Variants in EP400 observed in about 807,000 individuals in gnomAD.
The protein encoded by EP400 is E1A binding protein p400, also known as E1A-binding protein p400.
Under a neutral mutation model 354.1 loss-of-function variants are expected in EP400, and 105 were observed. That is an observed-to-expected ratio of 0.30 (90% CI 0.25 to 0.35). EP400 has a LOEUF of 0.35. Among genes scored for constraint, EP400 ranks in the 10% least tolerant of loss-of-function variants. The pLI is 1.00. For synonymous variants in EP400, 1,646 were observed against 1,716.9 expected (o/e 0.96, Z 1.02); for missense variants, 3,280 against 4,121.0 (o/e 0.80, Z 5.59).
chr12:132,021,363 C>T lies in EP400; in HGVS notation c.4690+42C>T, dbSNP rs945304984. Reference sequence around the variant, plus strand: ...TTCCAGGTTTCTGCCATCTCTCTACCCCAGAGGAGTTGTGTTAAGAACACG... The same window carrying T: ...TTCCAGGTTTCTGCCATCTCTCTACTCCAGAGGAGTTGTGTTAAGAACACG... On this transcript the variant is annotated intron_variant, in intron 23 of 52. Coordinates refer to ENST00000389561, the MANE Select transcript of EP400 (RefSeq NM_015409.5). 2.0e-6 allele frequency: 3 copies of T among 1,469,382 alleles called. No individual in the cohort carries two copies. The African/African-American group carries it at 4.3e-5, about 21-fold the overall frequency. 91.0% of individuals were successfully genotyped at this position (1,469,382 alleles called of 1,614,324 possible).
Position 132,028,199 on chromosome 12 carries a change from GCA to G in EP400, c.5295_5296del (p.His1765GlnfsTer11). On this transcript the variant is annotated frameshift_variant, in exon 27 of 53. Coordinates refer to ENST00000389561, the MANE Select transcript of EP400 (RefSeq NM_015409.5). LOFTEE classifies it high-confidence loss of function. ...GTCGTGGGAAGGAGGCCGGGCCAGC[GCA>G]CAGTTACACTTCATCCTCAGAAAGT... is the stretch of plus-strand genomic sequence containing the variant. The part of the protein sequence containing the change: ...GRRGKEAGPA[H>X]SYTSSSESPS... 1 of 1,614,162 alleles carries G rather than the reference GCA, an allele frequency of 6.2e-7. No homozygotes were observed. Among genetic ancestry groups the G allele is most frequent in the Non-Finnish European group, 8.5e-7 (1 of 1,180,036 alleles).
chr12:131,995,013 T>C (rs371084816), intron 12 of EP400, 57 bp downstream of exon 12: 2 of 1,482,282 alleles, frequency 1.3e-6, no homozygotes, highest in African/African-American at 1.4e-5. Context: ...ATTTAAAACA[T>C]GTGAGATGTG....
chr12:131,961,743 A>G lies in EP400; in HGVS notation c.1124A>G (p.Glu375Gly). The change falls in exon 2 of 53, where the codon GAG (glutamate) becomes GGG (glycine). Residue 375 changes from glutamate (E) to glycine (G), a missense_variant. Coordinates refer to ENST00000389561, the MANE Select transcript of EP400 (RefSeq NM_015409.5). ...RKQCLDYHYQ[E>G]MQALKEVFKE... ...CAGTGCCTGGACTATCATTACCAGG[A>G]GATGCAGGCTCTGAAGGAGGTCTTC... 1 of 1,614,260 alleles carries G rather than the reference A, an allele frequency of 6.2e-7. No homozygotes were observed. The highest frequency in any genetic ancestry group is 8.5e-7 in the Non-Finnish European group (1 of 1,180,052).
At chr12:132,010,018 T>G (rs1369844979) in intron 15 of EP400, among the ~76,000 whole-genome samples, 2 of 151,808 alleles carry the variant, frequency 1.3e-5, no homozygotes, top group Non-Finnish European at 2.9e-5. Flanking sequence ...TTTTTAAATC[T>G]TGTTTTTCAC....
intron 12 of EP400, among the ~76,000 whole-genome samples, chr12:131,997,718 C>G (rs1038532720): frequency 6.8e-6 from 1 of 147,130 alleles, no homozygotes. Context: ...GTCATCTTCA[C>G]GTTGAGTAGG....
At chr12:131,957,947 T>C (rs1054091216) in intron 1 of EP400, among the ~76,000 whole-genome samples, 4 of 152,230 alleles carry the variant, frequency 2.6e-5, no homozygotes, top group Admixed American at 2.0e-4. Flanking sequence ...GTTGAATTTC[T>C]CAATGCATTA....
At chr12:131,970,947 C>G (rs1487655586) in intron 2 of EP400, among the ~76,000 whole-genome samples, 1 of 152,134 alleles carries the variant, frequency 6.6e-6, no homozygotes, top group East Asian at 1.9e-4. Context: ...CTCACACCTG[C>G]AGTCCCAGCA....
chr12:132,043,219 A>G, intron 32 of EP400, 85 bp from the exon 33 acceptor site: 2 of 1,470,460 alleles, frequency 1.4e-6, no homozygotes, highest in Admixed American at 2.3e-5. Context: ...AGGCATCTCC[A>G]TTAACTTTAC....
In EP400 at chr12:131,961,678, G is replaced by T. The variant is rs1348236863; in HGVS notation, c.1059G>T (p.Glu353Asp). ...AGAAGGTTCCCAAGAAGTTAGAGGA[G>T]ATTCCCCCAGCCTCTCCGGAGATGG... ...GMKKVPKKLE[E>D]IPPASPEMAQ... Residue 353 changes from glutamate (E) to aspartate (D), a missense_variant, in exon 2 of 53, where the codon GAG becomes GAT. Glu to Asp is a conservative substitution (Grantham distance 45, BLOSUM62 2). Coordinates refer to ENST00000389561, the MANE Select transcript of EP400 (RefSeq NM_015409.5). 1 of 1,613,528 alleles carries T rather than the reference G, an allele frequency of 6.2e-7. No individual in the cohort carries two copies. Among genetic ancestry groups the T allele is most frequent in the Non-Finnish European group, 8.5e-7 (1 of 1,179,748 alleles).
intron 45 of EP400, among the ~76,000 whole-genome samples, chr12:132,055,527 GTGTGTGAGGTGTAGGGGT>G (rs1895464232): frequency 7.4e-6 from 1 of 135,714 alleles, no homozygotes; most frequent in Non-Finnish European, 1.6e-5. Context: ...GTGTAGGGGT[GTGTGTGAGGTGTAGGGGT>G]TGTGTGTGTG....
intron 37 of EP400, 34 bp downstream of exon 37, chr12:132,044,987 G>A (rs915805442): frequency 1.2e-6 from 2 of 1,610,666 alleles, no homozygotes; most frequent in Admixed American, 1.7e-5. Context: ...TGACCTGGGG[G>A]GGCCCTGGCC....
intron 2 of EP400, among the ~76,000 whole-genome samples, chr12:131,978,816 CT>C (rs563703039): frequency 6.4e-4 from 98 of 152,210 alleles, no homozygotes; most frequent in Non-Finnish European, 1.2e-3. Flanking sequence ...CTGGTGATGG[CT>C]TTTTTTCACT....
At position 132,013,349 on chromosome 12, in the gene EP400, G is replaced by GC. The variant is rs1893825294; in HGVS notation, c.3612-135dup. On this transcript the variant is annotated intron_variant, in intron 17 of 52. Coordinates refer to ENST00000389561, the MANE Select transcript of EP400 (RefSeq NM_015409.5). This position sits in a 1 kb window ranked among gnomAD's most constrained non-coding sequence, Gnocchi z 4.5. The stretch of plus-strand genomic sequence containing the variant: ...AGAGCCCCAGAGCTGGGTCAGTGCA[G>GC]CCCCCCTTTTCAGGCATGTGCACGT... 10 of 1,390,068 alleles carry GC rather than the reference G, an allele frequency of 7.2e-6. No homozygotes were observed. The highest frequency in any genetic ancestry group is 9.7e-6 in the Non-Finnish European group (10 of 1,034,368). The allele number at this position is 1,390,068 out of a possible 1,614,324, so 86.1% of individuals were successfully genotyped here. A position where few individuals can be genotyped will look rare whatever the true frequency, so the allele number is the denominator to read the frequency against.
intron 1 of EP400, among the ~76,000 whole-genome samples, chr12:131,953,386 C>G (rs1172562822): frequency 6.6e-6 from 1 of 152,220 alleles, no homozygotes; most frequent in Non-Finnish European, 1.5e-5. Flanking sequence ...CCCACCTGTT[C>G]TAGTATAGGA....
In EP400 at chr12:132,021,412, TC is replaced by T; in HGVS notation, c.4690+93del. The T allele has an allele frequency of 2.1e-6, 3 of 1,414,208 alleles. No individual in the cohort carries two copies. In the African/African-American group the frequency reaches 4.5e-5, roughly 21 times the overall value. 87.6% of individuals were successfully genotyped at this position (1,414,208 alleles called of 1,614,324 possible). A position where few individuals can be genotyped will look rare whatever the true frequency, so the allele number is the denominator to read the frequency against. On this transcript the variant is annotated intron_variant, in intron 23 of 52. Transcript: ENST00000389561. ...CGGGGATGTAGGAGGAGCCTTGCTG[TC>T]CACTCCTTTGTCTTTCCCCAGCCCC...
At chr12:131,992,932 G>T (rs1893088702) in intron 11 of EP400, among the ~76,000 whole-genome samples, 1 of 152,210 alleles carries the variant, frequency 6.6e-6, no homozygotes, top group African/African-American at 2.4e-5. Flanking sequence ...TTTGAAGATT[G>T]ATCTTTGCTA....
rs1236084977 is a variant in EP400 at position 132,079,931 on chromosome 12, C to G, written c.*2258C>G. The G allele has an allele frequency of 6.6e-6, 1 of 152,210 alleles. No individual in the cohort carries two copies. The highest frequency in any genetic ancestry group is 1.9e-4 in the East Asian group (1 of 5,202). The allele number at this position is 152,210 out of a possible 1,614,324, so 9.4% of individuals were successfully genotyped here. A position where few individuals can be genotyped will look rare whatever the true frequency, so the allele number is the denominator to read the frequency against. ...CCTTTTAGTGTGTTATTTTCTTGGC[C>G]TTCCCTTTTAAAGGTTAAAGTTTCT... On this transcript the variant is annotated 3_prime_UTR_variant, in exon 53 of 53. Transcript: ENST00000389561.
chr12:131,952,063 GCAT>G (rs1566156076), intron 1 of EP400, among the ~76,000 whole-genome samples: 1 of 151,888 alleles, frequency 6.6e-6, no homozygotes, highest in African/African-American at 2.4e-5. Flanking sequence ...GGGATTACAG[GCAT>G]GGTGAGCCAC....
At chr12:132,076,680 C>G in intron 52 of EP400, 87 bp downstream of exon 52, 1 of 1,269,186 alleles carries the variant, frequency 7.9e-7, no homozygotes, top group Non-Finnish European at 1.1e-6. Context: ...TAGGGAATCA[C>G]TTTTGATTTT....
Sources: allele counts gnomAD v4.1 joint callset (sites outside exome capture counted in the v4.1 genomes callset), GRCh38; gene constraint gnomAD v4.1.1; non-coding constraint Gnocchi (gnomAD v3.1); transcripts MANE v1.5; gene names NCBI Gene and HGNC (gene_info 2026-07-23, HGNC 2026-07-21).